CSRP3: variants seen among roughly 807,000 people sequenced by gnomAD.
CSRP3 encodes cysteine and glycine rich protein 3.
CSRP3 carries 24 observed loss-of-function variants against 24.3 expected under a neutral mutation model. That is an observed-to-expected ratio of 0.99 (90% CI 0.71 to 1.39). CSRP3 has a LOEUF of 1.39. CSRP3 is among the 40% of genes most tolerant of loss of function. The probability of loss-of-function intolerance (pLI) is 0.00; values close to 1 mark genes in which losing one functional copy is unlikely to be tolerated. For missense variants in CSRP3, 240 were observed against 249.0 expected (o/e 0.96, Z 0.24); for synonymous variants, 105 against 94.0 (o/e 1.12, Z -0.68).
intron 4 of CSRP3, 81 bp downstream of exon 4, chr11:19,186,135 G>C (rs1850520478): frequency 1.3e-6 from 2 of 1,579,308 alleles, no homozygotes; most frequent in South Asian, 2.2e-5. Flanking sequence ...GCTGCTTGCA[G>C]CTCCCAATTT....
chr11:19,188,149 G>A lies in CSRP3; in HGVS notation c.268C>T (p.Leu90=). The A allele has an allele frequency of 6.2e-7, 1 of 1,614,204 alleles. No homozygotes were observed. ...GCAGTAACTCACTGTTGGAACTGCA[G>A]GCCGAGATGCTCGCCCGTGTCTGTG... ...LSTDTGEHLG[L]QFQQSPKPAR... Residue 90 remains leucine, a synonymous_variant, in exon 3 of 6, where the codon CTG becomes TTG. Coordinates refer to ENST00000265968, the MANE Select transcript of CSRP3 (RefSeq NM_003476.5).
At chr11:19,188,659 C>CT (rs1850571004) in intron 2 of CSRP3, among the ~76,000 whole-genome samples, 1 of 137,188 alleles carries the variant, frequency 7.3e-6, no homozygotes. Flanking sequence ...TGTTTGTGGG[C>CT]GCGCGCGTTG....
chr11:19,184,808 G>C (rs572069836), intron 5 of CSRP3, 144 bp downstream of exon 5: 3 of 718,802 alleles, frequency 4.2e-6, no homozygotes, highest in African/African-American at 1.7e-5. Context: ...AGGTGGTTTT[G>C]CTCCTGAGAA....
intron 2 of CSRP3, 80 bp downstream of exon 2, chr11:19,192,257 A>G: frequency 1.1e-6 from 1 of 944,006 alleles, no homozygotes; most frequent in Non-Finnish European, 1.7e-6. Flanking sequence ...AACCACTGGC[A>G]TACAGTGTTT....
chr11:19,199,608 G>A (rs182121835), intron 1 of CSRP3, among the ~76,000 whole-genome samples: 79 of 152,270 alleles, frequency 5.2e-4, no homozygotes, highest in African/African-American at 1.9e-3. Flanking sequence ...CAATTCCTAA[G>A]CTTTCTAGAA....
chr11:19,182,635 A>G lies in CSRP3; in HGVS notation c.*35T>C. 2 of 1,550,654 alleles carry G rather than the reference A, an allele frequency of 1.3e-6. No individual in the cohort carries two copies. Among genetic ancestry groups the G allele is most frequent in the Non-Finnish European group, 1.8e-6 (2 of 1,122,036 alleles). ...TGCAGGATTACTTGGCAAGTGTTTT[A>G]GGCTCGCAAAAAATCTGAGAAACGG... On this transcript the variant is annotated 3_prime_UTR_variant, in exon 6 of 6. Coordinates refer to ENST00000265968, the MANE Select transcript of CSRP3 (RefSeq NM_003476.5).
At chr11:19,182,844 G>A in intron 5 of CSRP3, 98 bp from the exon 6 acceptor site, 3 of 892,006 alleles carry the variant, frequency 3.4e-6, no homozygotes, top group Middle Eastern at 5.2e-4. Context: ...AATTATTAGA[G>A]ACATCCTTTT....
In CSRP3 at chr11:19,182,253, G is replaced by C. The variant is rs1326336238; in HGVS notation, c.*417C>G. 1 of 178,046 alleles carries C rather than the reference G, an allele frequency of 5.6e-6. No individual in the cohort carries two copies. Among genetic ancestry groups the C allele is most frequent in the Admixed American group, 5.5e-5 (1 of 18,298 alleles). The allele number at this position is 178,046 out of a possible 1,614,324, so 11.0% of individuals were successfully genotyped here. A position where few individuals can be genotyped will look rare whatever the true frequency, so the allele number is the denominator to read the frequency against. ...TAACTAGAAAGACACTTGGCTGACA[G>C]ATTCTGAAAGACTGCTTTCCTTTGC... is the stretch of plus-strand genomic sequence containing the variant. On this transcript the variant is annotated 3_prime_UTR_variant, in exon 6 of 6. Transcript: ENST00000265968.
At chr11:19,183,596 A>G (rs1274874663) in intron 5 of CSRP3, among the ~76,000 whole-genome samples, 1 of 151,416 alleles carries the variant, frequency 6.6e-6, no homozygotes, top group South Asian at 2.1e-4. Context: ...TTTTTTTTTC[A>G]CTTTGCAATG....
At position 19,186,199 on chromosome 11, in the gene CSRP3, C is replaced by T. The variant is rs1850521654; in HGVS notation, c.414+17G>A. 1 of 1,614,146 alleles carries T rather than the reference C, an allele frequency of 6.2e-7. No homozygotes were observed. Among genetic ancestry groups the T allele is most frequent in the Non-Finnish European group, 8.5e-7 (1 of 1,180,004 alleles). On this transcript the variant is annotated intron_variant, in intron 4 of 5. Transcript: ENST00000265968. ...GGAGATGAGCAAATTCTGTCTGGCTCATACAGAAGGTCTTACCTTGCCACC... is the reference window on the plus strand; with the variant it reads ...GGAGATGAGCAAATTCTGTCTGGCTTATACAGAAGGTCTTACCTTGCCACC...
intron 2 of CSRP3, among the ~76,000 whole-genome samples, chr11:19,189,333 T>C (rs1431935597): frequency 2.6e-5 from 4 of 152,194 alleles, no homozygotes; most frequent in African/African-American, 9.6e-5. Context: ...CCTATTAGCA[T>C]AGCATTAGGG....
intron 2 of CSRP3, 37 bp from the exon 3 acceptor site, chr11:19,188,341 A>T: frequency 6.2e-7 from 1 of 1,607,808 alleles, no homozygotes; most frequent in Non-Finnish European, 8.5e-7. Context: ...ATTGGAATTG[A>T]AATCCTTCTC....
chr11:19,182,779 A>G (rs539346380), intron 5 of CSRP3, 33 bp from the exon 6 acceptor site: 2 of 1,501,784 alleles, frequency 1.3e-6, no homozygotes, highest in African/African-American at 2.7e-5. Context: ...GGGAGAGACA[A>G]TGCATTGGTT....
chr11:19,188,866 C>T (rs898711525), intron 2 of CSRP3, among the ~76,000 whole-genome samples: 18 of 152,038 alleles, frequency 1.2e-4, no homozygotes, highest in Non-Finnish European at 2.2e-4. Flanking sequence ...GCCTTATTAA[C>T]TCCTTAGGCT....
chr11:19,197,507 C>CG lies in CSRP3; in HGVS notation c.-29+4446_-29+4447insC, dbSNP rs1230350215. On this transcript the variant is annotated intron_variant, in intron 1 of 5. Transcript: ENST00000265968. ...TCTTTCTCTCCCTCTTTTCCTCTTT[C>CG]TTTCTTTCTTTCTTTCTTTCTTTCT... 7.3e-3 allele frequency among the ~76,000 whole-genome samples: 604 copies of CG among 82,854 alleles called. 8 individuals are homozygous for CG. The highest frequency in any genetic ancestry group is 0.018 in the African/African-American group (356 of 19,866). 54.4% of individuals were successfully genotyped at this position (82,854 alleles called of 152,430 possible).
At chr11:19,183,145 A>C (rs1850465173) in intron 5 of CSRP3, among the ~76,000 whole-genome samples, 1 of 134,050 alleles carries the variant, frequency 7.5e-6, no homozygotes, top group Non-Finnish European at 1.6e-5. Flanking sequence ...ATGACAGAGC[A>C]AGACTCCGTC....
At chr11:19,197,507 C>CTTTCTT (rs1850750581) in intron 1 of CSRP3, among the ~76,000 whole-genome samples, 1 of 82,818 alleles carries the variant, frequency 1.2e-5, no homozygotes, top group African/African-American at 5.1e-5. Flanking sequence ...TTTCCTCTTT[C>CTTTCTT]TTTCTTTCTT....
intron 5 of CSRP3, among the ~76,000 whole-genome samples, chr11:19,183,002 C>T (rs1451826604): frequency 6.6e-6 from 1 of 151,946 alleles, no homozygotes; most frequent in Non-Finnish European, 1.5e-5. Context: ...ACTAAAAATA[C>T]AAGAAATTAG....
At chr11:19,197,431 CTCCTTCTT>C (rs1850745885) in intron 1 of CSRP3, among the ~76,000 whole-genome samples, 1 of 132,422 alleles carries the variant, frequency 7.6e-6, no homozygotes, top group Non-Finnish European at 1.6e-5. Flanking sequence ...CCTTCCTTCC[CTCCTTCTT>C]TCCATCCTTT....
Sources: allele counts gnomAD v4.1 joint callset (sites outside exome capture counted in the v4.1 genomes callset), GRCh38; gene constraint gnomAD v4.1.1; transcripts MANE v1.5; gene names NCBI Gene and HGNC (gene_info 2026-07-23, HGNC 2026-07-21).